UBASH3B: variants seen among roughly 807,000 people sequenced by gnomAD.
The protein encoded by UBASH3B is ubiquitin-associated and SH3 domain-containing protein B.
A neutral mutation model predicts 83.4 loss-of-function variants in UBASH3B; 37 were observed. The ratio of observed to expected loss-of-function variants is 0.44; its 90% CI spans 0.34 to 0.58. The LOEUF is 0.58. UBASH3B is among the 20% of genes least tolerant of loss of function. The pLI is 0.01. For missense variants in UBASH3B, 657 were observed against 827.2 expected (o/e 0.79, Z 2.52); for synonymous variants, 304 against 318.3 (o/e 0.96, Z 0.48).
intron 1 of UBASH3B, among the ~76,000 whole-genome samples, chr11:122,674,211 T>C (rs1196123030): frequency 2.6e-5 from 4 of 152,186 alleles, no homozygotes. Flanking sequence ...TATGGAATCA[T>C]GAAAGAGCTA....
chr11:122,683,212 G>A (rs868226231), intron 1 of UBASH3B, among the ~76,000 whole-genome samples: 3 of 147,346 alleles, frequency 2.0e-5, no homozygotes, highest in Non-Finnish European at 4.5e-5. Context: ...CTGCACTCCC[G>A]CCTGGAGACA....
In UBASH3B at chr11:122,777,187, A is replaced by G. The variant is rs1479468753; in HGVS notation, c.379A>G (p.Ile127Val). 2 of 1,613,614 alleles carry G rather than the reference A, an allele frequency of 1.2e-6. No homozygotes were observed. The highest frequency in any genetic ancestry group is 1.7e-5 in the Admixed American group (1 of 59,950). ...KNKAHNIFPHITLCQFFMCED... is the reference protein window; with the variant it reads ...KNKAHNIFPHVTLCQFFMCED... ...CAAGGCACACAACATCTTCCCCCAC[A>G]TCACACTCTGCCAGTTCTTTATGGT... Residue 127 changes from isoleucine to valine, a missense_variant, in exon 3 of 14, where the codon ATC (isoleucine) becomes GTC (valine). Transcript: ENST00000284273.
chr11:122,690,212 A>AT (rs1863873007), intron 1 of UBASH3B, among the ~76,000 whole-genome samples: 1 of 21,710 alleles, frequency 4.6e-5, no homozygotes, highest in Non-Finnish European at 9.5e-5. Context: ...ATATATATCC[A>AT]ATTATATATA....
chr11:122,786,668 A>AT (rs1283550136), intron 5 of UBASH3B, among the ~76,000 whole-genome samples: 5 of 152,190 alleles, frequency 3.3e-5, no homozygotes, highest in Non-Finnish European at 7.3e-5. Context: ...CACAAAAAAA[A>AT]GAGTTCTTAC....
intron 1 of UBASH3B, among the ~76,000 whole-genome samples, chr11:122,750,085 G>C (rs1861176719): frequency 6.6e-6 from 1 of 152,186 alleles, no homozygotes; most frequent in Non-Finnish European, 1.5e-5. Context: ...TGCCCAGAGA[G>C]ATTTTCTTCA....
In UBASH3B at chr11:122,797,256, C is replaced by T. The variant is rs188285422; in HGVS notation, c.1357+223C>T. On this transcript the variant is annotated intron_variant, in intron 9 of 13. Coordinates refer to ENST00000284273, the MANE Select transcript of UBASH3B (RefSeq NM_032873.5). ...GAGGTGTGGTCCTTATTGAGGAGCA[C>T]GTGATCCAGTAATGGCGTGGGTTAC... 2,777 of 471,730 alleles carry T rather than the reference C, an allele frequency of 5.9e-3. 14 individuals are homozygous for T. Among genetic ancestry groups the T allele is most frequent in the Non-Finnish European group, 7.4e-3 (2,023 of 271,728 alleles). 29.2% of individuals were successfully genotyped at this position (471,730 alleles called of 1,614,324 possible).
chr11:122,808,275 C>G, intron 13 of UBASH3B, 99 bp downstream of exon 13: 2 of 951,884 alleles, frequency 2.1e-6, no homozygotes, highest in South Asian at 2.6e-5. Context: ...TGTGTTTATG[C>G]TGAGCTGGGA....
intron 1 of UBASH3B, among the ~76,000 whole-genome samples, chr11:122,704,843 A>G (rs1238359939): frequency 6.6e-6 from 1 of 151,816 alleles, no homozygotes; most frequent in African/African-American, 2.4e-5. Flanking sequence ...CTTTATTATG[A>G]GGTTTCTTTA....
chr11:122,796,596 T>A (rs892117393), intron 8 of UBASH3B, among the ~76,000 whole-genome samples: 4 of 152,152 alleles, frequency 2.6e-5, no homozygotes, highest in Non-Finnish European at 5.9e-5. Flanking sequence ...CTCGCTCGGT[T>A]CCATTTTCAT....
chr11:122,697,527 T>C (rs540767599), intron 1 of UBASH3B, among the ~76,000 whole-genome samples: 1 of 152,352 alleles, frequency 6.6e-6, no homozygotes, highest in South Asian at 2.1e-4. Flanking sequence ...TTAATGACCG[T>C]ACTGAAGCAA....
chr11:122,809,001 TTTTTCAAATTGAAAAATA>T (rs1201221578), intron 13 of UBASH3B, among the ~76,000 whole-genome samples: 1 of 151,904 alleles, frequency 6.6e-6, no homozygotes, highest in Non-Finnish European at 1.5e-5. Context: ...TGAAACAAAT[TTTTTCAAATTGAAAAATA>T]TTTTCCATTG....
chr11:122,712,259 G>A (rs747959598), intron 1 of UBASH3B, among the ~76,000 whole-genome samples: 7 of 152,226 alleles, frequency 4.6e-5, no homozygotes, highest in Admixed American at 2.0e-4. Context: ...AGCACTATAC[G>A]GATGCAGATT....
At chr11:122,688,982 G>GAGGC (rs1200050041) in intron 1 of UBASH3B, among the ~76,000 whole-genome samples, 2 of 14,518 alleles carry the variant, frequency 1.4e-4, no homozygotes, top group Non-Finnish European at 3.5e-4. Flanking sequence ...GGGAGGCGGG[G>GAGGC]GGGGGGGGGG....
chr11:122,796,832 G>GA, intron 8 of UBASH3B, 79 bp from the exon 9 acceptor site: 1 of 1,597,732 alleles, frequency 6.3e-7, no homozygotes, highest in Non-Finnish European at 8.6e-7. Context: ...AATGGGGGTG[G>GA]AGAGTGTCAG....
chr11:122,779,247 C>T (rs1860802621), intron 3 of UBASH3B: 12 of 555,022 alleles, frequency 2.2e-5, no homozygotes, highest in South Asian at 1.6e-4. Flanking sequence ...GCTGGGTTCA[C>T]GGGGGCCACT....
chr11:122,737,684 G>A (rs1591793038), intron 1 of UBASH3B, among the ~76,000 whole-genome samples: 1 of 152,206 alleles, frequency 6.6e-6, no homozygotes, highest in East Asian at 1.9e-4. Context: ...AAGAGACTCT[G>A]GAGAGAAGCA....
intron 1 of UBASH3B, among the ~76,000 whole-genome samples, chr11:122,700,720 C>G (rs1412523831): frequency 6.6e-6 from 1 of 152,202 alleles, no homozygotes; most frequent in Non-Finnish European, 1.5e-5. Flanking sequence ...TGGTCTTGAA[C>G]TCCTGGCCTC....
chr11:122,725,674 G>T (rs1333625093), intron 1 of UBASH3B, among the ~76,000 whole-genome samples: 10 of 152,032 alleles, frequency 6.6e-5, no homozygotes, highest in Non-Finnish European at 8.8e-5. Context: ...TCCATTGCTT[G>T]TTTCATTTTT....
intron 11 of UBASH3B, among the ~76,000 whole-genome samples, chr11:122,802,329 A>AG (rs1861272165): frequency 6.6e-6 from 1 of 151,118 alleles, no homozygotes; most frequent in Admixed American, 6.6e-5. Context: ...AAAAAAAAAA[A>AG]AAAAAAAGAA....
Sources: allele counts gnomAD v4.1 joint callset (sites outside exome capture counted in the v4.1 genomes callset), GRCh38; gene constraint gnomAD v4.1.1; transcripts MANE v1.5; gene names NCBI Gene and HGNC (gene_info 2026-07-23, HGNC 2026-07-21).